Variants in TMEM40 observed in about 807,000 individuals in gnomAD.
TMEM40 encodes transmembrane protein 40.
TMEM40 carries 34 observed loss-of-function variants against 40.8 expected under a neutral mutation model. That is an observed-to-expected ratio of 0.83 (90% CI 0.63 to 1.11). The LOEUF (loss-of-function observed/expected upper bound fraction) is 1.11, where lower values mean the gene tolerates loss of function less well. TMEM40 is among the 50% of genes least tolerant of loss of function. TMEM40 has a pLI of 0.00. For synonymous variants in TMEM40, 106 were observed against 107.0 expected, an observed-to-expected ratio of 0.99 and a Z score of 0.06; for missense variants, 296 against 280.2, an observed-to-expected ratio of 1.06 and a Z score of -0.40.
chr3:12,758,487 G>A (rs1177277350), intron 1 of TMEM40, among the ~76,000 whole-genome samples: 1 of 152,176 alleles, frequency 6.6e-6, no homozygotes, highest in Non-Finnish European at 1.5e-5. Flanking sequence ...GACAGCCTAC[G>A]GGGGTGGGTG....
At chr3:12,735,786 A>C (rs1401021750) in intron 10 of TMEM40, among the ~76,000 whole-genome samples, 169 bp from the exon 11 acceptor site, 1 of 152,228 alleles carries the variant, frequency 6.6e-6, no homozygotes, top group Admixed American at 6.5e-5. Context: ...TAAAAACAAC[A>C]ACCACGAACA....
intron 2 of TMEM40, among the ~76,000 whole-genome samples, 158 bp downstream of exon 2, chr3:12,749,602 G>A (rs2061457221): frequency 6.6e-6 from 1 of 152,184 alleles, no homozygotes; most frequent in Non-Finnish European, 1.5e-5. Context: ...CCATGCAAAT[G>A]TGTGTGTGCA....
At chr3:12,748,050 A>G (rs1376089680) in intron 3 of TMEM40, among the ~76,000 whole-genome samples, 2 of 152,158 alleles carry the variant, frequency 1.3e-5, no homozygotes, top group African/African-American at 4.8e-5. Context: ...AAGGATGCTC[A>G]TGAGCATGAT....
intron 1 of TMEM40, among the ~76,000 whole-genome samples, chr3:12,765,200 A>G (rs2061588731): frequency 6.6e-6 from 1 of 152,228 alleles, no homozygotes; most frequent in South Asian, 2.1e-4. Context: ...GTAGAGGAAA[A>G]GTCAATCCTA....
At chr3:12,750,392 C>T (rs1352521316) in intron 1 of TMEM40, among the ~76,000 whole-genome samples, 4 of 152,136 alleles carry the variant, frequency 2.6e-5, no homozygotes, top group Non-Finnish European at 4.4e-5. Context: ...GGGCCCCGGC[C>T]GGCCTCACAC....
intron 3 of TMEM40, among the ~76,000 whole-genome samples, chr3:12,748,327 A>G (rs1437373232): frequency 6.6e-6 from 1 of 152,240 alleles, no homozygotes; most frequent in Non-Finnish European, 1.5e-5. Flanking sequence ...GGGTGCCTCT[A>G]ATAAACCTAA....
Position 12,742,463 on chromosome 3 carries a change from G to T in TMEM40, c.346C>A (p.Leu116Ile). 1 of 1,614,004 alleles carries T rather than the reference G, an allele frequency of 6.2e-7. No individual in the cohort carries two copies. Among genetic ancestry groups the T allele is most frequent in the Non-Finnish European group, 8.5e-7 (1 of 1,179,948 alleles). The change falls in exon 5 of 12, where the codon CTC (leucine) becomes ATC (isoleucine). Residue 116 changes from leucine (L) to isoleucine (I), a missense_variant. Leu to Ile is a conservative substitution (Grantham distance 5, BLOSUM62 2). Transcript: ENST00000314124. ...CTGGGCAACTGATTACCTCCATAGA[G>T]TTGAAGCTCATCCTTCAAAACGTCA... Reference protein sequence around the residue: ...EPDVLKDELQLYGDAPGEVVP... With the variant: ...EPDVLKDELQIYGDAPGEVVP...
intron 1 of TMEM40, among the ~76,000 whole-genome samples, chr3:12,757,469 CAA>C (rs796454706): frequency 3.8e-4 from 33 of 87,266 alleles, no homozygotes; most frequent in African/African-American, 5.1e-4. Context: ...AACTCCGTCT[CAA>C]AAAAAAAAAA....
At chr3:12,757,632 C>T (rs899449442) in intron 1 of TMEM40, among the ~76,000 whole-genome samples, 3 of 152,158 alleles carry the variant, frequency 2.0e-5, no homozygotes, top group Admixed American at 2.0e-4. Context: ...AGCCCTCATA[C>T]ATTGCTGGTC....
At chr3:12,740,533 C>T (rs2061374004) in intron 5 of TMEM40, among the ~76,000 whole-genome samples, 1 of 137,822 alleles carries the variant, frequency 7.3e-6, no homozygotes, top group South Asian at 2.3e-4. Context: ...AACCCCATCT[C>T]TACTAAAAAT....
chr3:12,742,636 T>G, intron 4 of TMEM40, 129 bp from the exon 5 acceptor site: 1 of 1,065,730 alleles, frequency 9.4e-7, no homozygotes, highest in Non-Finnish European at 1.4e-6. Context: ...GGGGGCAGTC[T>G]TCAGGAGGCA....
chr3:12,767,709 G>A (rs1407228629), intron 1 of TMEM40, among the ~76,000 whole-genome samples: 3 of 152,112 alleles, frequency 2.0e-5, no homozygotes, highest in Non-Finnish European at 2.9e-5. Flanking sequence ...CCAAGGGGAC[G>A]GGAAAACAGG....
At chr3:12,747,870 C>A (rs189650052) in intron 3 of TMEM40, among the ~76,000 whole-genome samples, 1 of 142,750 alleles carries the variant, frequency 7.0e-6, no homozygotes, top group African/African-American at 2.7e-5. Context: ...AAGATCACGC[C>A]GCTGCACTCT....
Position 12,736,670 on chromosome 3 carries a change from G to T in TMEM40, c.545-18C>A, listed in dbSNP as rs1418403220. 1.2e-6 allele frequency: 2 copies of T among 1,612,024 alleles called. No individual in the cohort carries two copies. The highest frequency in any genetic ancestry group is 2.7e-5 in the African/African-American group (2 of 74,968). On this transcript the variant is annotated intron_variant, in intron 9 of 11. Coordinates refer to ENST00000314124, the MANE Select transcript of TMEM40 (RefSeq NM_018306.4). ...GAACCAGTCTGGAAGGGCAGTGAGG[G>T]AGGGAATGGTCAGCCTCCAGGTCTT...
intron 1 of TMEM40, among the ~76,000 whole-genome samples, chr3:12,766,115 C>A (rs919888884): frequency 1.6e-4 from 24 of 152,176 alleles, no homozygotes; most frequent in Admixed American, 1.2e-3. Context: ...CCACTTCAGT[C>A]TCCCAAAGTG....
At chr3:12,755,271 C>CTT (rs1553634039) in intron 1 of TMEM40, among the ~76,000 whole-genome samples, 6 of 109,914 alleles carry the variant, frequency 5.5e-5, no homozygotes, top group Non-Finnish European at 1.1e-4. Context: ...TTCTTTCTTT[C>CTT]TTTCTTTCTT....
At chr3:12,757,922 G>A (rs1046861066) in intron 1 of TMEM40, among the ~76,000 whole-genome samples, 1 of 151,990 alleles carries the variant, frequency 6.6e-6, no homozygotes, top group African/African-American at 2.4e-5. Flanking sequence ...GGCTGGTCTC[G>A]AACTCCTGAC....
chr3:12,755,213 T>TTCTTTCTCTCTCTCTC (rs1553634015), intron 1 of TMEM40, among the ~76,000 whole-genome samples: 8 of 94,264 alleles, frequency 8.5e-5, no homozygotes, highest in African/African-American at 3.1e-4. Flanking sequence ...CTTTCTTTCT[T>TTCTTTCTCTCTCTCTC]TCTCTCTCTC....
chr3:12,755,753 G>A (rs2061522500), intron 1 of TMEM40, among the ~76,000 whole-genome samples: 1 of 152,188 alleles, frequency 6.6e-6, no homozygotes, highest in African/African-American at 2.4e-5. Flanking sequence ...AGAGGCCAGT[G>A]GGGAGCCCCA....
Sources: gnomAD v4.1 joint callset for allele counts (sites outside exome capture counted in the v4.1 genomes callset) on GRCh38, gnomAD v4.1.1 for gene constraint, MANE v1.5 for transcripts, NCBI Gene and HGNC (gene_info 2026-07-23, HGNC 2026-07-21) for gene names.